Variants in CACNA1A observed in about 807,000 individuals in gnomAD.
The protein encoded by CACNA1A is calcium voltage-gated channel subunit alpha1 A.
In CACNA1A, 57 loss-of-function variants were observed where a neutral mutation model predicts 262.4. That is an observed-to-expected ratio of 0.22 (90% CI 0.18 to 0.27). The LOEUF is 0.27. Among genes scored for constraint, CACNA1A ranks in the 10% least tolerant of loss-of-function variants. The pLI, the probability that CACNA1A is intolerant of heterozygous loss-of-function variation, is 1.00. For synonymous variants in CACNA1A, 1,431 were observed against 1,419.3 expected, an observed-to-expected ratio of 1.01 and a Z score of -0.18; for missense variants, 2,526 against 3,562.8, an observed-to-expected ratio of 0.71 and a Z score of 7.41.
chr19:13,300,094 G>A (rs1038003985), intron 18 of CACNA1A, among the ~76,000 whole-genome samples: 3 of 151,990 alleles, frequency 2.0e-5, no homozygotes, highest in Admixed American at 6.6e-5. Flanking sequence ...AATAGGCCTC[G>A]GCCTGGTACC....
intron 19 of CACNA1A, among the ~76,000 whole-genome samples, chr19:13,290,969 C>T (rs911902832): frequency 1.3e-5 from 2 of 152,110 alleles, no homozygotes; most frequent in African/African-American, 2.4e-5. Flanking sequence ...CCTTGTAGAG[C>T]GTCTGTTGGC....
Position 13,222,700 on chromosome 19 carries a change from T to A in CACNA1A, c.5731+1967A>T, listed in dbSNP as rs541230889. Among the ~76,000 whole-genome samples, 4 of 121,556 alleles carry A rather than the reference T, an allele frequency of 3.3e-5. No homozygotes were observed. In the East Asian group the frequency reaches 9.1e-4, roughly 28 times the overall value. 79.7% of individuals were successfully genotyped at this position (121,556 alleles called of 152,430 possible). A position where few individuals can be genotyped will look rare whatever the true frequency, so the allele number is the denominator to read the frequency against. On this transcript the variant is annotated intron_variant, in intron 38 of 46. Transcript: ENST00000360228. ...GTGAGCCAGCGTGCCCGGCCTCAGCTTTTTTTTTTTTTGAGACAGCGTCTT... is the reference window on the plus strand; with the variant it reads ...GTGAGCCAGCGTGCCCGGCCTCAGCATTTTTTTTTTTTGAGACAGCGTCTT...
At chr19:13,278,864 G>A (rs79648622) in intron 22 of CACNA1A, among the ~76,000 whole-genome samples, 1 of 152,260 alleles carries the variant, frequency 6.6e-6, no homozygotes, top group African/African-American at 2.4e-5. Flanking sequence ...GAGTGCCTGG[G>A]GTCAGGGTGA....
At chr19:13,230,280 A>G in intron 35 of CACNA1A, 71 bp from the exon 36 acceptor site, 3 of 1,553,396 alleles carry the variant, frequency 1.9e-6, no homozygotes, top group Non-Finnish European at 2.7e-6. Context: ...AGTGAGAAGG[A>G]TACAGACAGA....
At chr19:13,210,367 C>T (rs941366988) in intron 44 of CACNA1A, among the ~76,000 whole-genome samples, 1 of 151,184 alleles carries the variant, frequency 6.6e-6, no homozygotes, top group Admixed American at 6.6e-5. Flanking sequence ...TGTCCTCCGG[C>T]GTGGGGGGCC....
At chr19:13,208,624 G>T in intron 46 of CACNA1A, 132 bp downstream of exon 46, 2 of 1,183,632 alleles carry the variant, frequency 1.7e-6, no homozygotes, top group Non-Finnish European at 2.3e-6. Context: ...GTGGCTTGGG[G>T]GCAGGATGGG....
At chr19:13,489,003 C>CTTT (rs896790084) in intron 1 of CACNA1A, among the ~76,000 whole-genome samples, 26 of 75,222 alleles carry the variant, frequency 3.5e-4, no homozygotes, top group African/African-American at 8.0e-4. Context: ...CTTTTCTTTT[C>CTTT]TTTTTTTTTT....
chr19:13,354,863 CTTTTTCTTTT>C (rs2058977957), intron 6 of CACNA1A, among the ~76,000 whole-genome samples: 1 of 102,422 alleles, frequency 9.8e-6, no homozygotes, highest in Non-Finnish European at 2.0e-5. Context: ...GGATGCTTTT[CTTTTTCTTTT>C]TTTTTTTTTT....
At chr19:13,490,761 A>G (rs1980741887) in intron 1 of CACNA1A, among the ~76,000 whole-genome samples, 1 of 147,298 alleles carries the variant, frequency 6.8e-6, no homozygotes. Flanking sequence ...AAGAAGGAAG[A>G]AGAGAGGAAG....
rs1268051301 is a variant in CACNA1A at position 13,216,803 on chromosome 19, ACAGT to A, written c.5732-2199_5732-2196del. 7.2e-5 allele frequency among the ~76,000 whole-genome samples: 11 copies of A among 152,150 alleles called. No individual in the cohort carries two copies. In the East Asian group the frequency reaches 2.1e-3, roughly 29 times the overall value. ...CTGGGCTCAAGCAATCCACATTCTG[ACAGT>A]CAGAATGTCACTGTGGGCTGCTATT... On this transcript the variant is annotated intron_variant, in intron 38 of 46. Transcript: ENST00000360228.
At chr19:13,367,665 T>C (rs554764580) in intron 4 of CACNA1A, among the ~76,000 whole-genome samples, 5 of 152,012 alleles carry the variant, frequency 3.3e-5, no homozygotes, top group African/African-American at 9.6e-5. Context: ...GAGGTGGAGC[T>C]TGCAGTGAGC....
At chr19:13,357,365 T>A (rs2059023721) in intron 6 of CACNA1A, among the ~76,000 whole-genome samples, 1 of 152,200 alleles carries the variant, frequency 6.6e-6, no homozygotes, top group Admixed American at 6.5e-5. Context: ...AGAGGAAAGT[T>A]CAGCTTCTCT....
At chr19:13,425,046 C>T (rs573836825) in intron 3 of CACNA1A, among the ~76,000 whole-genome samples, 8 of 152,198 alleles carry the variant, frequency 5.3e-5, no homozygotes, top group East Asian at 1.9e-4. Context: ...CCTCATGATC[C>T]GCCCACCTTA....
rs8102726 is a variant in CACNA1A, at chr19:13,449,751, C to T, written c.539+3125G>A. The stretch of plus-strand genomic sequence containing the variant: ...CAGCCAAAGTGTGAATACATAAATG[C>T]AAATAATAAACATAAAATTCAGGAA... On this transcript the variant is annotated intron_variant, in intron 3 of 46. Transcript: ENST00000360228. Among the ~76,000 whole-genome samples the T allele has an allele frequency of 3.9e-5, 6 of 152,220 alleles. 1 individual carries two copies. Among genetic ancestry groups the T allele is most frequent in the African/African-American group, 1.4e-4 (6 of 41,532 alleles).
chr19:13,427,646 T>C (rs2060427683), intron 3 of CACNA1A, among the ~76,000 whole-genome samples: 1 of 152,098 alleles, frequency 6.6e-6, no homozygotes, highest in Admixed American at 6.5e-5. Context: ...ATGTGGATCA[T>C]GAAAAACAAC....
chr19:13,248,121 G>A (rs922807698), intron 30 of CACNA1A, among the ~76,000 whole-genome samples: 1 of 152,068 alleles, frequency 6.6e-6, no homozygotes, highest in Admixed American at 6.6e-5. Context: ...CTGCATCCCA[G>A]ATAAATTCCT....
intron 6 of CACNA1A, among the ~76,000 whole-genome samples, chr19:13,346,947 T>A (rs2058798963): frequency 6.6e-6 from 1 of 151,456 alleles, no homozygotes; most frequent in Non-Finnish European, 1.5e-5. Context: ...CCCAATGTGC[T>A]AGGATTACAG....
At chr19:13,442,430 G>C (rs1470125062) in intron 3 of CACNA1A, among the ~76,000 whole-genome samples, 1 of 152,206 alleles carries the variant, frequency 6.6e-6, no homozygotes, top group Non-Finnish European at 1.5e-5. Flanking sequence ...TGTGATGCCA[G>C]AGACTGCCCT....
chr19:13,446,760 AT>A (rs58187031), intron 3 of CACNA1A, among the ~76,000 whole-genome samples: 19,137 of 142,120 alleles, frequency 0.13, 1,515 homozygotes, highest in East Asian at 0.27. Context: ...CCCAGCTGGG[AT>A]TTTTTTTTTT....
Sources: allele counts gnomAD v4.1 joint callset (sites outside exome capture counted in the v4.1 genomes callset), GRCh38; gene constraint gnomAD v4.1.1; transcripts MANE v1.5; gene names NCBI Gene and HGNC (gene_info 2026-07-23, HGNC 2026-07-21).